The following VPS13A variants were observed in gnomAD, a reference collection of about 807,000 sequenced individuals.
The protein encoded by VPS13A is intermembrane lipid transfer protein VPS13A.
Under a neutral mutation model 390.9 loss-of-function variants are expected in VPS13A, and 264 were observed. That is an observed-to-expected ratio of 0.68 (90% confidence interval 0.61 to 0.75). The LOEUF (loss-of-function observed/expected upper bound fraction) is 0.75, where lower values mean the gene tolerates loss of function less well. Ranked by LOEUF, VPS13A falls within the 30% of genes least tolerant of loss-of-function variation. The pLI is 0.00. For missense variants in VPS13A, 3,409 were observed against 3,733.9 expected, an observed-to-expected ratio of 0.91 and a Z score of 2.27; for synonymous variants, 1,231 against 1,227.1, an observed-to-expected ratio of 1.00 and a Z score of -0.07.
chr9:77,409,384 C>T (rs1348674980), intron 71 of VPS13A, among the ~76,000 whole-genome samples: 1 of 152,196 alleles, frequency 6.6e-6, no homozygotes, highest in African/African-American at 2.4e-5. Context: ...CTCTAAAAAT[C>T]AGAGTACCTC....
At chr9:77,212,035 A>G (rs1296363007) in intron 7 of VPS13A, among the ~76,000 whole-genome samples, 3 of 152,148 alleles carry the variant, frequency 2.0e-5, no homozygotes, top group Non-Finnish European at 2.9e-5. Flanking sequence ...GTTGGTGCCA[A>G]AAAGGTTGGG....
chr9:77,213,128 G>C, intron 8 of VPS13A, 100 bp downstream of exon 8: 1 of 1,545,442 alleles, frequency 6.5e-7, no homozygotes, highest in South Asian at 1.1e-5. Flanking sequence ...TTGCTTATTT[G>C]TTTAACTCTG....
Position 77,369,419 on chromosome 9 carries a change from T to G in VPS13A, c.8667+7T>G, listed in dbSNP as rs772455203. 9.0e-6 allele frequency: 14 copies of G among 1,548,770 alleles called. No homozygotes were observed. In the South Asian group the frequency reaches 1.6e-4, roughly 17 times the overall value. On this transcript the variant is annotated splice_region_variant and intron_variant, in intron 63 of 71. Coordinates refer to ENST00000360280, the MANE Select transcript of VPS13A (RefSeq NM_033305.3). ...TTTTTATGAACCTTACCAGGTAAAA[T>G]AGTTATTTTTGTGGTTGTGCAATAT... is the stretch of plus-strand genomic sequence containing the variant.
intron 68 of VPS13A, among the ~76,000 whole-genome samples, chr9:77,394,063 C>T (rs896451470): frequency 4.0e-5 from 6 of 151,708 alleles, no homozygotes; most frequent in East Asian, 3.9e-4. Flanking sequence ...CCACCACACC[C>T]GGCACTTTTT....
At chr9:77,248,804 T>C (rs1160061840) in intron 20 of VPS13A, among the ~76,000 whole-genome samples, 1 of 152,082 alleles carries the variant, frequency 6.6e-6, no homozygotes, top group Non-Finnish European at 1.5e-5. Context: ...TGATTTCAGC[T>C]CACTGCAACC....
intron 57 of VPS13A, among the ~76,000 whole-genome samples, chr9:77,359,093 T>C (rs1831983515): frequency 1.3e-5 from 2 of 152,244 alleles, no homozygotes; most frequent in Admixed American, 1.3e-4. Flanking sequence ...ATGATTCTAA[T>C]GCATACTTCT....
At chr9:77,268,721 C>G (rs573774577) in intron 23 of VPS13A, among the ~76,000 whole-genome samples, 2 of 152,190 alleles carry the variant, frequency 1.3e-5, no homozygotes, top group Admixed American at 1.3e-4. Context: ...AGGCAGATCA[C>G]TTGAGGTTAG....
intron 68 of VPS13A, among the ~76,000 whole-genome samples, chr9:77,388,301 A>T (rs571194195): frequency 6.6e-6 from 1 of 152,204 alleles, no homozygotes; most frequent in Admixed American, 6.5e-5. Context: ...TACAGCCAGC[A>T]TTATACAAAA....
chr9:77,351,207 C>T (rs538972990), intron 52 of VPS13A, 110 bp from the exon 53 acceptor site: 36 of 1,417,086 alleles, frequency 2.5e-5, no homozygotes, highest in African/African-American at 1.1e-4. Context: ...TTAATCAGAA[C>T]GATCACAGAT....
At chr9:77,263,096 T>C (rs1825847530) in intron 23 of VPS13A, among the ~76,000 whole-genome samples, 1 of 150,860 alleles carries the variant, frequency 6.6e-6, no homozygotes. Context: ...CTAGCATCTG[T>C]TGTTTCCCAA....
intron 39 of VPS13A, 115 bp from the exon 40 acceptor site, chr9:77,317,491 A>T: frequency 1.4e-6 from 1 of 731,632 alleles, no homozygotes; most frequent in Admixed American, 2.6e-5. Context: ...TCACTTTTTA[A>T]ATAGTTGTTT....
intron 32 of VPS13A, among the ~76,000 whole-genome samples, chr9:77,294,522 T>TA (rs1479412357): frequency 6.6e-6 from 1 of 152,182 alleles, no homozygotes; most frequent in Non-Finnish European, 1.5e-5. Context: ...TGGCAATTCT[T>TA]ATAAGCAAGA....
Position 77,247,290 on chromosome 9 carries a change from T to C in VPS13A, c.1932T>C (p.Val644=). Residue 644 remains valine (V), a synonymous_variant, in exon 20 of 72, where the codon GTT becomes GTC. Transcript: ENST00000360280. The stretch of plus-strand genomic sequence containing the variant: ...TGTATATTATTGAAACACAGAAAGT[T>C]CTTGATCTCAAAATTAATTTGAAGG... ...GLLYIIETQK[V]LDLKINLKAS... The C allele has an allele frequency of 6.2e-7, 1 of 1,604,754 alleles. No individual in the cohort carries two copies. The highest frequency in any genetic ancestry group is 8.5e-7 in the Non-Finnish European group (1 of 1,174,466).
Position 77,321,656 on chromosome 9 carries a change from A to C in VPS13A, c.5740A>C (p.Ser1914Arg). 6.2e-7 allele frequency: 1 copy of C among 1,613,344 alleles called. No individual in the cohort carries two copies. The highest frequency in any genetic ancestry group is 8.5e-7 in the Non-Finnish European group (1 of 1,179,546). Residue 1914 changes from serine (S) to arginine (R), a missense_variant, in exon 44 of 72, where the codon AGT (serine) becomes CGT (arginine). By Grantham distance (110) the Ser-to-Arg change is moderately radical. Coordinates refer to ENST00000360280, the MANE Select transcript of VPS13A (RefSeq NM_033305.3). Reference sequence around the variant, plus strand: ...ATCATATGTATTGAAAAATGGAGAAAGTTTAAGTATGGATTATATCCGAAC... The same window carrying C: ...ATCATATGTATTGAAAAATGGAGAACGTTTAAGTATGGATTATATCCGAAC... The part of the protein sequence containing the change: ...AKSYVLKNGE[S>R]LSMDYIRTKD...
chr9:77,315,562 A>T, intron 38 of VPS13A, 92 bp downstream of exon 38: 1 of 1,214,808 alleles, frequency 8.2e-7, no homozygotes, highest in Non-Finnish European at 1.2e-6. Flanking sequence ...ATCAAAGTAA[A>T]TGCTTTAAGA....
intron 5 of VPS13A, 50 bp from the exon 6 acceptor site, chr9:77,209,373 T>A (rs765526339): frequency 7.8e-7 from 1 of 1,277,646 alleles, no homozygotes; most frequent in Non-Finnish European, 1.1e-6. Context: ...TGGATATTTA[T>A]AGAGTATATT....
chr9:77,360,459 C>CT, intron 58 of VPS13A, 77 bp from the exon 59 acceptor site: 1 of 1,119,590 alleles, frequency 8.9e-7, no homozygotes, highest in Non-Finnish European at 1.4e-6. Flanking sequence ...TGATCTCATA[C>CT]TTTTTTCTCA....
rs57093981 is a variant in VPS13A, at chr9:77,227,702, G to GT, written c.1452+229dup. On this transcript the variant is annotated intron_variant, in intron 16 of 71. Coordinates refer to ENST00000360280, the MANE Select transcript of VPS13A (RefSeq NM_033305.3). Reference sequence around the variant, plus strand: ...AGCTAATTTTTGTGGTTTTTTTTTTGTTTTTTTTTTTTGATAGAGATGGGG... The same window carrying GT: ...AGCTAATTTTTGTGGTTTTTTTTTTGTTTTTTTTTTTTTGATAGAGATGGGG... 0.023 allele frequency among the ~76,000 whole-genome samples: 3,144 copies of GT among 135,474 alleles called. 78 individuals are homozygous for GT. The highest frequency in any genetic ancestry group is 0.061 in the African/African-American group (2,244 of 37,036). 88.9% of individuals were successfully genotyped at this position (135,474 alleles called of 152,430 possible). A position where few individuals can be genotyped will look rare whatever the true frequency, so the allele number is the denominator to read the frequency against.
At chr9:77,198,385 T>G (rs1241243739) in intron 1 of VPS13A, among the ~76,000 whole-genome samples, 2 of 152,120 alleles carry the variant, frequency 1.3e-5, no homozygotes, top group African/African-American at 4.8e-5. Context: ...CATCACACAT[T>G]TTCACCATGT....
Sources: allele counts gnomAD v4.1 joint callset (sites outside exome capture counted in the v4.1 genomes callset), GRCh38; gene constraint gnomAD v4.1.1; transcripts MANE v1.5; gene names NCBI Gene and HGNC (gene_info 2026-07-23, HGNC 2026-07-21).